The following FBLN7 variants were observed in gnomAD, a reference collection of about 807,000 sequenced individuals.
FBLN7 encodes fibulin-7.
A neutral mutation model predicts 44.0 loss-of-function variants in FBLN7; 31 were observed. The ratio of observed to expected loss-of-function variants is 0.70; its 90% CI spans 0.53 to 0.95. The LOEUF (loss-of-function observed/expected upper bound fraction) is 0.95, where lower values mean the gene tolerates loss of function less well. Ranked by LOEUF, FBLN7 falls within the 40% of genes least tolerant of loss-of-function variation. The pLI is 0.00. For synonymous variants in FBLN7, 262 were observed against 253.4 expected (o/e 1.03, Z -0.32); for missense variants, 573 against 618.5 (o/e 0.93, Z 0.78).
chr2:112,163,505 C>T (rs1216021152), intron 2 of FBLN7, among the ~76,000 whole-genome samples: 5 of 152,250 alleles, frequency 3.3e-5, no homozygotes, highest in East Asian at 1.9e-4. Context: ...GGCATTCCCT[C>T]GTCGCCCATG....
chr2:112,181,464 C>T (rs1321544926), intron 4 of FBLN7, among the ~76,000 whole-genome samples: 1 of 152,122 alleles, frequency 6.6e-6, no homozygotes, highest in Non-Finnish European at 1.5e-5. Flanking sequence ...CGTGGATTTG[C>T]CCCAGCTGTC....
the FBLN7 span, among the ~76,000 whole-genome samples, chr2:112,236,866 G>A: frequency 6.6e-6 from 1 of 152,126 alleles, no homozygotes; most frequent in African/African-American, 2.4e-5. Context: ...AAGTGTTCAA[G>A]GCCAGCCTAG....
chr2:112,162,929 A>G (rs1249626985), intron 2 of FBLN7, among the ~76,000 whole-genome samples: 1 of 152,208 alleles, frequency 6.6e-6, no homozygotes, highest in Non-Finnish European at 1.5e-5. Context: ...AAAAAAAAGA[A>G]CTATAAAGTA....
chr2:112,192,953 T>A (rs1683535529), downstream of FBLN7, among the ~76,000 whole-genome samples: 1 of 152,136 alleles, frequency 6.6e-6, no homozygotes, highest in South Asian at 2.1e-4. Flanking sequence ...AAAATAGATG[T>A]GTAAATGAAA....
At chr2:112,206,042 C>T in the FBLN7 span, among the ~76,000 whole-genome samples, 4 of 152,156 alleles carry the variant, frequency 2.6e-5, no homozygotes, top group Admixed American at 6.5e-5. Flanking sequence ...ATGACTTCAA[C>T]GTCTTCAATA....
chr2:112,224,226 C>T, the FBLN7 span, among the ~76,000 whole-genome samples: 183 of 152,150 alleles, frequency 1.2e-3, 3 homozygotes, highest in South Asian at 0.037. Context: ...ATATCAGGAA[C>T]GTAAGGGTGG....
At chr2:112,195,974 G>A in the FBLN7 span, among the ~76,000 whole-genome samples, 1 of 152,176 alleles carries the variant, frequency 6.6e-6, no homozygotes, top group Non-Finnish European at 1.5e-5. Flanking sequence ...GAGACCAGTG[G>A]TGGCTCAGAA....
At chr2:112,165,392 T>C (rs1682098383) in intron 3 of FBLN7, among the ~76,000 whole-genome samples, 1 of 152,194 alleles carries the variant, frequency 6.6e-6, no homozygotes, top group Admixed American at 6.5e-5. Context: ...TAATTTAGTC[T>C]TGTTTTGCAT....
chr2:112,210,878 G>A, the FBLN7 span, among the ~76,000 whole-genome samples: 25 of 152,184 alleles, frequency 1.6e-4, no homozygotes, highest in Non-Finnish European at 3.4e-4. Flanking sequence ...GTATTGGTTT[G>A]TAAATGCTAT....
At chr2:112,172,941 C>T (rs1316467152) in intron 3 of FBLN7, among the ~76,000 whole-genome samples, 1 of 152,128 alleles carries the variant, frequency 6.6e-6, no homozygotes, top group Non-Finnish European at 1.5e-5. Flanking sequence ...GCTGTAAGTT[C>T]GTCTTTTCAA....
At chr2:112,204,696 T>A in the FBLN7 span, among the ~76,000 whole-genome samples, 1 of 152,162 alleles carries the variant, frequency 6.6e-6, no homozygotes, top group Non-Finnish European at 1.5e-5. Flanking sequence ...AAGAATTCGA[T>A]ATCAGCCAAA....
At chr2:112,163,003 T>C (rs929662576) in intron 2 of FBLN7, among the ~76,000 whole-genome samples, 20 of 152,220 alleles carry the variant, frequency 1.3e-4, no homozygotes, top group African/African-American at 4.8e-4. Flanking sequence ...GAGCTCTCAC[T>C]CGCTTGCTAC....
chr2:112,235,383 G>A, the FBLN7 span, among the ~76,000 whole-genome samples: 2 of 152,182 alleles, frequency 1.3e-5, no homozygotes, highest in Non-Finnish European at 2.9e-5. Flanking sequence ...AATCATTTGA[G>A]CCATGTAAAT....
intron 3 of FBLN7, among the ~76,000 whole-genome samples, chr2:112,167,544 T>C (rs1390027116): frequency 6.6e-6 from 1 of 152,164 alleles, no homozygotes; most frequent in Admixed American, 6.5e-5. Context: ...ACTTGTGCCA[T>C]GATCTCAAAC....
chr2:112,166,898 C>G (rs1025884556), intron 3 of FBLN7, among the ~76,000 whole-genome samples: 7 of 152,206 alleles, frequency 4.6e-5, no homozygotes, highest in Admixed American at 2.6e-4. Context: ...CTGTCCACCC[C>G]CTGCCATGGG....
At chr2:112,163,165 G>C (rs1037881747) in intron 2 of FBLN7, among the ~76,000 whole-genome samples, 1 of 152,186 alleles carries the variant, frequency 6.6e-6, no homozygotes, top group African/African-American at 2.4e-5. Context: ...TGCCACGGCT[G>C]CTCCTCAAAG....
Position 112,141,263 on chromosome 2 carries a change from G to A in FBLN7, c.75+2533G>A, listed in dbSNP as rs1482860737. Among the ~76,000 whole-genome samples, 3 of 152,238 alleles carry A rather than the reference G, an allele frequency of 2.0e-5. No homozygotes were observed. The East Asian group carries it at 5.8e-4, about 29-fold the overall frequency. The stretch of plus-strand genomic sequence containing the variant: ...AGATGATGAAAGTGAGGCCCAGGGA[G>A]GATGAGATGTATTCAAGGTCACACA... On this transcript the variant is annotated intron_variant, in intron 1 of 7. Transcript: ENST00000331203.
At chr2:112,181,997 G>A in intron 5 of FBLN7, 121 bp downstream of exon 5, 1 of 1,266,832 alleles carries the variant, frequency 7.9e-7, no homozygotes, top group Non-Finnish European at 1.0e-6. Context: ...GTCTCAGAAG[G>A]CCTGGCCACT....
At chr2:112,153,336 A>G (rs1282076412) in intron 1 of FBLN7, 3 of 152,230 alleles carry the variant, frequency 2.0e-5, no homozygotes, top group African/African-American at 7.2e-5. Flanking sequence ...GACGTGACGC[A>G]TAGCTGTGGC....
Sources: allele counts gnomAD v4.1 joint callset (sites outside exome capture counted in the v4.1 genomes callset), GRCh38; gene constraint gnomAD v4.1.1; transcripts MANE v1.5; gene names NCBI Gene and HGNC (gene_info 2026-07-23, HGNC 2026-07-21).